Variants in LRRC4C observed in about 807,000 individuals in gnomAD.
LRRC4C encodes the protein leucine-rich repeat-containing protein 4C.
In LRRC4C, 5 loss-of-function variants were observed where a neutral mutation model predicts 33.6. The ratio of observed to expected loss-of-function variants is 0.15; its 90% CI spans 0.08 to 0.31. LRRC4C has a LOEUF of 0.31. Among genes scored for constraint, LRRC4C ranks in the 10% least tolerant of loss-of-function variants. The pLI, the probability that LRRC4C is intolerant of heterozygous loss-of-function variation, is 1.00. For synonymous variants in LRRC4C, 329 were observed against 302.0 expected (o/e 1.09, Z -0.93); for missense variants, 560 against 796.7 (o/e 0.70, Z 3.58).
intron 3 of LRRC4C, among the ~76,000 whole-genome samples, chr11:40,432,504 T>A (rs2137867894): frequency 6.6e-6 from 1 of 152,342 alleles, no homozygotes; most frequent in South Asian, 2.1e-4. Context: ...TTGACAAGAC[T>A]GGAGTTTCTG....
intron 2 of LRRC4C, among the ~76,000 whole-genome samples, chr11:40,768,793 C>T (rs1035379925): frequency 2.1e-4 from 32 of 152,036 alleles, no homozygotes; most frequent in African/African-American, 7.7e-4. Flanking sequence ...AACATGCCTT[C>T]ATGATAAAAA....
At chr11:40,530,986 T>A (rs976402297) in intron 3 of LRRC4C, among the ~76,000 whole-genome samples, 2 of 152,108 alleles carry the variant, frequency 1.3e-5, no homozygotes, top group Non-Finnish European at 2.9e-5. Context: ...TTCTTAATAA[T>A]ATCTAGTGGA....
rs752891813 is a variant in LRRC4C, at chr11:40,987,774, G to A, written c.-495-54051C>T. 8.6e-5 allele frequency among the ~76,000 whole-genome samples: 13 copies of A among 150,304 alleles called. No individual in the cohort carries two copies. The South Asian group carries it at 1.5e-3, about 17-fold the overall frequency. On this transcript the variant is annotated intron_variant, in intron 1 of 6. Transcript: ENST00000528697. ...CTCTTTTGCAGAAGCTTATTTAGAA[G>A]CAAGCAAATATAATTCTGCTCCTCA...
chr11:40,660,710 A>G (rs1407870248), intron 2 of LRRC4C, among the ~76,000 whole-genome samples: 1 of 152,206 alleles, frequency 6.6e-6, no homozygotes, highest in African/African-American at 2.4e-5. Context: ...TCCAGTATCA[A>G]TAAATGCAAT....
intron 3 of LRRC4C, among the ~76,000 whole-genome samples, chr11:40,346,288 T>C (rs1172217612): frequency 6.6e-6 from 1 of 152,112 alleles, no homozygotes; most frequent in Non-Finnish European, 1.5e-5. Context: ...AGCAAAGACA[T>C]GGAATCAACC....
At chr11:40,132,407 C>T (rs1255333307) in intron 6 of LRRC4C, among the ~76,000 whole-genome samples, 1 of 152,132 alleles carries the variant, frequency 6.6e-6, no homozygotes, top group African/African-American at 2.4e-5. Context: ...GACATTTTGT[C>T]ACTCCACGTC....
chr11:40,424,386 C>T (rs1950636317), intron 3 of LRRC4C, among the ~76,000 whole-genome samples: 1 of 152,040 alleles, frequency 6.6e-6, no homozygotes, highest in Admixed American at 6.6e-5. Context: ...TTCCTCTTCT[C>T]TAAAAAGAAA....
At chr11:40,729,008 C>A (rs1271364145) in intron 2 of LRRC4C, among the ~76,000 whole-genome samples, 2 of 151,850 alleles carry the variant, frequency 1.3e-5, no homozygotes, top group Non-Finnish European at 2.9e-5. Flanking sequence ...GGGGTAAGTA[C>A]TGAAAAATTT....
At chr11:40,900,388 A>G (rs1391629885) in intron 2 of LRRC4C, among the ~76,000 whole-genome samples, 1 of 152,110 alleles carries the variant, frequency 6.6e-6, no homozygotes, top group South Asian at 2.1e-4. Context: ...ATTTATCTAA[A>G]GACTAATGAT....
intron 1 of LRRC4C, among the ~76,000 whole-genome samples, chr11:41,182,189 T>G (rs1945482548): frequency 1.3e-5 from 2 of 152,196 alleles, no homozygotes; most frequent in African/African-American, 4.8e-5. Flanking sequence ...AGAGACTTAT[T>G]GATACCATTT....
chr11:40,530,725 C>T (rs1040786405), intron 3 of LRRC4C, among the ~76,000 whole-genome samples: 2 of 152,094 alleles, frequency 1.3e-5, no homozygotes, highest in African/African-American at 2.4e-5. Flanking sequence ...TGAGATAAGG[C>T]CCCGTCACAA....
intron 1 of LRRC4C, among the ~76,000 whole-genome samples, chr11:41,246,206 T>C (rs565121933): frequency 4.4e-4 from 67 of 152,214 alleles, no homozygotes; most frequent in Non-Finnish European, 9.1e-4. Flanking sequence ...AAGCCGCCCT[T>C]ATCCCCTCTC....
intron 3 of LRRC4C, among the ~76,000 whole-genome samples, chr11:40,341,485 C>T (rs1051993484): frequency 2.4e-4 from 30 of 127,166 alleles, no homozygotes; most frequent in Admixed American, 2.8e-4. Context: ...CACTCATAGG[C>T]GGGAACTGAA....
intron 4 of LRRC4C, among the ~76,000 whole-genome samples, chr11:40,304,667 C>T (rs537311388): frequency 6.6e-6 from 1 of 151,922 alleles, no homozygotes; most frequent in African/African-American, 2.4e-5. Context: ...AATTAAAATA[C>T]CTTGTATTGA....
At chr11:40,616,882 C>A (rs1961896656) in intron 3 of LRRC4C, among the ~76,000 whole-genome samples, 1 of 146,224 alleles carries the variant, frequency 6.8e-6, no homozygotes, top group African/African-American at 2.6e-5. Context: ...GCACATTGTG[C>A]ACATGTACCA....
intron 2 of LRRC4C, among the ~76,000 whole-genome samples, chr11:40,660,166 C>T (rs1459568551): frequency 2.0e-5 from 3 of 152,234 alleles, no homozygotes; most frequent in South Asian, 4.1e-4. Context: ...AGAGCTGGAA[C>T]CTGTGCCAGC....
At chr11:40,159,793 A>G (rs1859008036) in intron 5 of LRRC4C, among the ~76,000 whole-genome samples, 1 of 152,154 alleles carries the variant, frequency 6.6e-6, no homozygotes, top group South Asian at 2.1e-4. Flanking sequence ...ATTACATTAT[A>G]TGTTTATTTG....
rs555053884 is a variant in LRRC4C, at chr11:40,491,700, G to T, written c.-270+156442C>A. Among the ~76,000 whole-genome samples the T allele has an allele frequency of 1.0e-3, 159 of 152,268 alleles. 4 individuals carry two copies. In the Middle Eastern group the frequency reaches 0.014, roughly 13 times the overall value. ...TAAATAACTCATCAGATTAGGTCAA[G>T]TTCTGCTAGAACGTGCTTCCTATTT... On this transcript the variant is annotated intron_variant, in intron 3 of 6. Coordinates refer to ENST00000528697, the MANE Select transcript of LRRC4C (RefSeq NM_001258419.2).
chr11:40,411,616 A>G (rs1031229517), intron 3 of LRRC4C, among the ~76,000 whole-genome samples: 1 of 152,088 alleles, frequency 6.6e-6, no homozygotes, highest in Non-Finnish European at 1.5e-5. Context: ...AAATGTGTAT[A>G]AATTATTTGC....
Sources: gnomAD v4.1 joint callset for allele counts (sites outside exome capture counted in the v4.1 genomes callset) on GRCh38, gnomAD v4.1.1 for gene constraint, MANE v1.5 for transcripts, NCBI Gene and HGNC (gene_info 2026-07-23, HGNC 2026-07-21) for gene names.